CHN2: variants seen among roughly 807,000 people sequenced by gnomAD.
CHN2 encodes beta-chimaerin.
A neutral mutation model predicts 56.3 loss-of-function variants in CHN2; 35 were observed. That is an observed-to-expected ratio of 0.62 (90% confidence interval 0.47 to 0.82). CHN2 has a LOEUF of 0.82. Among genes scored for constraint, CHN2 ranks in the 40% least tolerant of loss-of-function variants. CHN2 has a pLI of 0.00. For synonymous variants in CHN2, 210 were observed against 212.8 expected (o/e 0.99, Z 0.12); for missense variants, 491 against 580.5 (o/e 0.85, Z 1.58).
intron 1 of CHN2, among the ~76,000 whole-genome samples, chr7:29,351,363 C>T (rs28568883): frequency 6.6e-6 from 1 of 152,144 alleles, no homozygotes. Context: ...AGGCACCTGT[C>T]TAAAGGCTGG....
At chr7:29,417,036 C>T (rs1488509104) in intron 6 of CHN2, among the ~76,000 whole-genome samples, 2 of 152,264 alleles carry the variant, frequency 1.3e-5, no homozygotes, top group Non-Finnish European at 2.9e-5. Flanking sequence ...CCTTTGCATG[C>T]CGCCGGGTAG....
intron 1 of CHN2, among the ~76,000 whole-genome samples, chr7:29,285,298 T>C (rs1309057791): frequency 2.0e-5 from 3 of 152,220 alleles, no homozygotes; most frequent in Non-Finnish European, 2.9e-5. Context: ...TCTTTTTCCA[T>C]AGGAGAATGC....
intron 6 of CHN2, among the ~76,000 whole-genome samples, chr7:29,408,804 G>A (rs17157914): frequency 0.12 from 18,286 of 152,124 alleles, 1,201 homozygotes; most frequent in East Asian, 0.17. Context: ...AACGGAAGAG[G>A]AAAGTCATCC....
At chr7:29,382,595 T>C (rs1248822502) in intron 3 of CHN2, among the ~76,000 whole-genome samples, 1 of 152,216 alleles carries the variant, frequency 6.6e-6, no homozygotes, top group Non-Finnish European at 1.5e-5. Flanking sequence ...GTGAGCAATA[T>C]GCTGGGACAG....
At chr7:29,281,713 T>A (rs967343742) in intron 1 of CHN2, among the ~76,000 whole-genome samples, 4 of 152,194 alleles carry the variant, frequency 2.6e-5, no homozygotes, top group African/African-American at 9.7e-5. Flanking sequence ...CTCTTCTACC[T>A]GCTGCTGGGA....
chr7:29,373,167 C>CTTTTTTTTTTTTCTG (rs1319852768), intron 3 of CHN2, among the ~76,000 whole-genome samples: 1 of 151,882 alleles, frequency 6.6e-6, no homozygotes, highest in African/African-American at 2.4e-5. Context: ...GTACTGATGG[C>CTTTTTTTTTTTTCTG]AGTGGCCAAT....
At chr7:29,291,412 T>C (rs1044687458) in intron 1 of CHN2, among the ~76,000 whole-genome samples, 3 of 152,144 alleles carry the variant, frequency 2.0e-5, no homozygotes, top group Non-Finnish European at 2.9e-5. Flanking sequence ...CTGCCCTGCT[T>C]GTGTCTGCCT....
intron 1 of CHN2, among the ~76,000 whole-genome samples, chr7:29,279,755 G>T (rs1791535228): frequency 6.6e-6 from 1 of 152,210 alleles, no homozygotes; most frequent in African/African-American, 2.4e-5. Flanking sequence ...GAGGGGAGTT[G>T]TGCAAGTTGA....
At chr7:29,500,890 A>G (rs1318115286) in intron 9 of CHN2, among the ~76,000 whole-genome samples, 5 of 152,242 alleles carry the variant, frequency 3.3e-5, no homozygotes, top group Non-Finnish European at 7.3e-5. Context: ...TTTATGTTGT[A>G]CATGAGTCAC....
intron 1 of CHN2, among the ~76,000 whole-genome samples, chr7:29,248,744 C>T (rs571585018): frequency 6.6e-5 from 10 of 152,266 alleles, no homozygotes; most frequent in South Asian, 2.1e-4. Context: ...ACTGGGGAAA[C>T]GAAACATACG....
chr7:29,462,922 C>A (rs368366348), intron 6 of CHN2, among the ~76,000 whole-genome samples: 1 of 108,266 alleles, frequency 9.2e-6, no homozygotes, highest in South Asian at 4.1e-4. Flanking sequence ...CCCCTCCCCC[C>A]ACCCCACATT....
intron 1 of CHN2, among the ~76,000 whole-genome samples, chr7:29,308,882 T>A (rs975139796): frequency 2.0e-5 from 3 of 152,246 alleles, no homozygotes; most frequent in Non-Finnish European, 4.4e-5. Context: ...TTTTTTGGCT[T>A]CTTTGTTAAT....
intron 7 of CHN2, among the ~76,000 whole-genome samples, chr7:29,486,401 G>A (rs73684714): frequency 1.6e-3 from 250 of 152,324 alleles, no homozygotes; most frequent in African/African-American, 5.9e-3. Flanking sequence ...CACGGAGTGG[G>A]CCCTTGCCAG....
chr7:29,482,797 CTTTTTTTTTTTTTTTTTTTT>C (rs375120538), intron 7 of CHN2, among the ~76,000 whole-genome samples: 199 of 64,166 alleles, frequency 3.1e-3, no homozygotes, highest in African/African-American at 6.8e-3. Context: ...GCACTTTTTT[CTTTTTTTTTTTTTTTTTTTT>C]TTTTTTTTTT....
At chr7:29,348,472 A>T (rs186941310) in intron 1 of CHN2, among the ~76,000 whole-genome samples, 1 of 152,200 alleles carries the variant, frequency 6.6e-6, no homozygotes, top group African/African-American at 2.4e-5. Flanking sequence ...TCATTTTCTA[A>T]GCATCTGTAT....
rs1783595101 is a variant in CHN2 at position 29,195,613 on chromosome 7, AGAGAGAGAGAGAGAGAGTGT to A, written c.49+625_49+644del. ...ACATTTACGAGAGAGAGAGAGAGAG[AGAGAGAGAGAGAGAGAGTGT>A]GTGTGTGTGTGTGTGTGAGAGAGAG... On this transcript the variant is annotated intron_variant, in intron 1 of 12. Coordinates refer to ENST00000222792, the MANE Select transcript of CHN2 (RefSeq NM_004067.4). Among the ~76,000 whole-genome samples, 4 of 124,574 alleles carry A rather than the reference AGAGAGAGAGAGAGAGAGTGT, an allele frequency of 3.2e-5. No homozygotes were observed. The Admixed American group carries it at 3.4e-4, about 11-fold the overall frequency. The allele number at this position is 124,574 out of a possible 152,430, so 81.7% of individuals were successfully genotyped here.
At chr7:29,472,550 C>T (rs1413914538) in intron 6 of CHN2, among the ~76,000 whole-genome samples, 3 of 152,022 alleles carry the variant, frequency 2.0e-5, no homozygotes, top group Non-Finnish European at 4.4e-5. Context: ...ACACCAGTAC[C>T]CCAGACATAT....
intron 1 of CHN2, among the ~76,000 whole-genome samples, chr7:29,201,787 T>C (rs1005913664): frequency 1.3e-5 from 2 of 152,240 alleles, no homozygotes; most frequent in Non-Finnish European, 2.9e-5. Context: ...ACAAAACTAA[T>C]GTAAAATCAA....
Position 29,400,552 on chromosome 7 carries a change from C to A in CHN2, c.300C>A (p.Asn100Lys). Reference protein sequence around the residue: ...GCYTLALRFGNQTLNYRLFHD... With the variant: ...GCYTLALRFGKQTLNYRLFHD... ...ATTCTCTCACGGGCAGGTTTGGAAA[C>A]CAGACCTTAAACTACAGGCTCTTCC... The change falls in exon 6 of 13, where the codon AAC becomes AAA. Residue 100 changes from asparagine (N) to lysine (K), a missense_variant. Physicochemically the swap from Asn to Lys is moderately conservative, Grantham distance 94 (BLOSUM62 0). Coordinates refer to ENST00000222792, the MANE Select transcript of CHN2 (RefSeq NM_004067.4). 6.2e-7 allele frequency: 1 copy of A among 1,613,900 alleles called. No homozygotes were observed. Among genetic ancestry groups the A allele is most frequent in the Non-Finnish European group, 8.5e-7 (1 of 1,179,912 alleles).
Sources: allele counts gnomAD v4.1 joint callset (sites outside exome capture counted in the v4.1 genomes callset), GRCh38; gene constraint gnomAD v4.1.1; transcripts MANE v1.5; gene names NCBI Gene and HGNC (gene_info 2026-07-23, HGNC 2026-07-21).